The following ADORA2B variants were observed in gnomAD, a reference collection of about 807,000 sequenced individuals.
ADORA2B encodes the protein adenosine A2b receptor.
In ADORA2B, 18 loss-of-function variants were observed where a neutral mutation model predicts 20.8. That is an observed-to-expected ratio of 0.87 (90% confidence interval 0.60 to 1.29). The LOEUF is 1.29. Among genes scored for constraint, ADORA2B ranks in the 50% most tolerant of loss-of-function variants. The pLI is 0.00. For missense variants in ADORA2B, 441 were observed against 422.7 expected (o/e 1.04, Z -0.38); for synonymous variants, 179 against 178.3 (o/e 1.00, Z -0.03).
the ADORA2B span, among the ~76,000 whole-genome samples, chr17:15,874,469 T>A: frequency 6.6e-6 from 1 of 151,888 alleles, no homozygotes; most frequent in Non-Finnish European, 1.5e-5. Flanking sequence ...GGGAAGATTA[T>A]TTAAGGCCAG....
chr17:15,951,041 T>C (rs1041972264), intron 1 of ADORA2B, among the ~76,000 whole-genome samples: 2 of 151,790 alleles, frequency 1.3e-5, no homozygotes, highest in Non-Finnish European at 2.9e-5. Flanking sequence ...AATGCATGAG[T>C]GACTGGGTGA....
intron 1 of ADORA2B, among the ~76,000 whole-genome samples, chr17:15,954,964 G>A (rs912002684): frequency 1.3e-5 from 2 of 151,976 alleles, no homozygotes; most frequent in African/African-American, 4.8e-5. Flanking sequence ...TTGGTGTTCT[G>A]AAATTTTGTG....
the ADORA2B span, among the ~76,000 whole-genome samples, chr17:15,887,794 A>T: frequency 2.4e-3 from 295 of 122,928 alleles, 71 homozygotes; most frequent in African/African-American, 8.6e-3. Context: ...AAAAAAAAAT[A>T]AAAAAAATTA....
At chr17:15,901,667 A>C in the ADORA2B span, among the ~76,000 whole-genome samples, 7 of 152,274 alleles carry the variant, frequency 4.6e-5, no homozygotes, top group African/African-American at 1.4e-4. Context: ...AGGCAAGTCC[A>C]GGCAGGCAGC....
At chr17:15,939,984 TA>T in the ADORA2B span, among the ~76,000 whole-genome samples, 1 of 152,208 alleles carries the variant, frequency 6.6e-6, no homozygotes, top group Admixed American at 6.5e-5. Context: ...CTTCTATATT[TA>T]TCATATAATT....
the ADORA2B span, among the ~76,000 whole-genome samples, chr17:15,913,446 C>T: frequency 0.01 from 1,587 of 152,308 alleles, 27 homozygotes; most frequent in African/African-American, 0.036. Flanking sequence ...CAGTTGTTTC[C>T]AGCTTTTCCA....
intron 1 of ADORA2B, among the ~76,000 whole-genome samples, chr17:15,966,144 T>G (rs181211361): frequency 5.9e-5 from 9 of 152,366 alleles, no homozygotes; most frequent in Admixed American, 3.3e-4. Flanking sequence ...TGTATGTATT[T>G]CAGAGGAATT....
chr17:15,895,663 T>A, the ADORA2B span, among the ~76,000 whole-genome samples: 20 of 152,360 alleles, frequency 1.3e-4, no homozygotes, highest in South Asian at 4.1e-3. Flanking sequence ...GTCTGAAGAC[T>A]GAATTTTTAA....
chr17:15,954,758 C>A (rs1969946419), intron 1 of ADORA2B, among the ~76,000 whole-genome samples: 1 of 152,142 alleles, frequency 6.6e-6, no homozygotes, highest in South Asian at 2.1e-4. Context: ...CAGAGTGAGA[C>A]CCTGTCTCAA....
chr17:15,933,828 C>T, the ADORA2B span, among the ~76,000 whole-genome samples: 5 of 151,784 alleles, frequency 3.3e-5, no homozygotes, highest in African/African-American at 1.2e-4. Flanking sequence ...ATCTGGATGC[C>T]TCTTATTTGT....
At chr17:15,887,983 AAAAAAAGAT>A in the ADORA2B span, among the ~76,000 whole-genome samples, 1 of 111,400 alleles carries the variant, frequency 9.0e-6, no homozygotes, top group Non-Finnish European at 1.8e-5. Context: ...AAAAAAAAAA[AAAAAAAGAT>A]AAGCAGAAGT....
the ADORA2B span, among the ~76,000 whole-genome samples, chr17:15,891,426 C>G: frequency 2.0e-4 from 31 of 152,228 alleles, no homozygotes; most frequent in Admixed American, 3.3e-4. Context: ...TTTGTATTCT[C>G]TCTCACCAGA....
the ADORA2B span, among the ~76,000 whole-genome samples, chr17:15,932,951 A>AT: frequency 0.013 from 1,827 of 135,916 alleles, 33 homozygotes; most frequent in African/African-American, 0.031. Flanking sequence ...TAGTCCTTCA[A>AT]TTTTTTTTTT....
chr17:15,877,639 A>G, the ADORA2B span, among the ~76,000 whole-genome samples: 3 of 152,218 alleles, frequency 2.0e-5, no homozygotes, highest in Non-Finnish European at 4.4e-5. Flanking sequence ...CCTTGTTTTC[A>G]GTGTATCACT....
the ADORA2B span, among the ~76,000 whole-genome samples, chr17:15,915,941 ATAAAGT>A: frequency 6.6e-6 from 1 of 152,220 alleles, no homozygotes; most frequent in African/African-American, 2.4e-5. Flanking sequence ...AAGTTGACAC[ATAAAGT>A]TAACCGTCAC....
At chr17:15,868,650 G>A in the ADORA2B span, among the ~76,000 whole-genome samples, 25 of 133,206 alleles carry the variant, frequency 1.9e-4, 2 homozygotes, top group African/African-American at 6.6e-4. Flanking sequence ...CGTAGTGGCA[G>A]GCACCTGTAG....
chr17:15,914,863 T>G, the ADORA2B span, among the ~76,000 whole-genome samples: 1 of 152,246 alleles, frequency 6.6e-6, no homozygotes, highest in Admixed American at 6.5e-5. Context: ...TGCACTGACT[T>G]TAGATCCTAA....
chr17:15,896,325 A>G, the ADORA2B span, among the ~76,000 whole-genome samples: 3 of 152,176 alleles, frequency 2.0e-5, no homozygotes, highest in African/African-American at 7.2e-5. Flanking sequence ...AAACATATTA[A>G]AGAGATAAAG....
upstream of ADORA2B, chr17:15,945,121 C>G: frequency 1.2e-6 from 1 of 839,782 alleles, no homozygotes; most frequent in East Asian, 3.5e-5. Context: ...CGCCCCAGCC[C>G]CGAGGCTCAG....
Sources: gnomAD v4.1 joint callset for allele counts (sites outside exome capture counted in the v4.1 genomes callset) on GRCh38, gnomAD v4.1.1 for gene constraint, MANE v1.5 for transcripts, NCBI Gene and HGNC (gene_info 2026-07-23, HGNC 2026-07-21) for gene names.